Variants in TMEM163 observed in about 807,000 individuals in gnomAD.
TMEM163 encodes transmembrane protein 163.
TMEM163 carries 17 observed loss-of-function variants against 29.3 expected under a neutral mutation model. The ratio of observed to expected loss-of-function variants is 0.58; its 90% CI spans 0.40 to 0.87. The LOEUF (loss-of-function observed/expected upper bound fraction) is 0.87. Ranked by LOEUF, TMEM163 falls within the 40% of genes least tolerant of loss-of-function variation. TMEM163 has a pLI of 0.00. For synonymous variants in TMEM163, 157 were observed against 160.6 expected (o/e 0.98, Z 0.17); for missense variants, 303 against 381.5 (o/e 0.79, Z 1.71).
intron 2 of TMEM163, among the ~76,000 whole-genome samples, chr2:134,652,530 C>T (rs1260799960): frequency 5.4e-5 from 6 of 110,314 alleles, no homozygotes; most frequent in Non-Finnish European, 1.0e-4. Flanking sequence ...AATTGAATAC[C>T]CTTTATTTCC....
chr2:134,544,619 C>G (rs907773945), intron 4 of TMEM163, among the ~76,000 whole-genome samples: 1 of 152,074 alleles, frequency 6.6e-6, no homozygotes, highest in Non-Finnish European at 1.5e-5. Context: ...CATGGTGAAA[C>G]CCCGTCTCTA....
At chr2:134,521,249 G>A (rs758927193) in intron 4 of TMEM163, among the ~76,000 whole-genome samples, 13 of 151,978 alleles carry the variant, frequency 8.6e-5, no homozygotes, top group Admixed American at 5.9e-4. Flanking sequence ...CACCTGCCTC[G>A]GCCTCCCAAA....
At chr2:134,701,656 T>G (rs1340528413) in intron 2 of TMEM163, among the ~76,000 whole-genome samples, 3 of 152,196 alleles carry the variant, frequency 2.0e-5, no homozygotes, top group Non-Finnish European at 4.4e-5. Context: ...ATGCCTGTAA[T>G]CCCTGCACTT....
At chr2:134,714,822 C>A (rs1312231036) in intron 1 of TMEM163, among the ~76,000 whole-genome samples, 1 of 152,160 alleles carries the variant, frequency 6.6e-6, no homozygotes, top group East Asian at 1.9e-4. Context: ...AAATTCTGCC[C>A]AGGTACAAGT....
At chr2:134,661,483 C>T (rs1231555666) in intron 2 of TMEM163, among the ~76,000 whole-genome samples, 2 of 152,156 alleles carry the variant, frequency 1.3e-5, no homozygotes, top group African/African-American at 4.8e-5. Context: ...AATGGCTTCC[C>T]GCCACAGCCC....
chr2:134,626,325 G>A (rs1369975750), intron 2 of TMEM163, among the ~76,000 whole-genome samples: 2 of 151,880 alleles, frequency 1.3e-5, no homozygotes, highest in South Asian at 2.1e-4. Context: ...GGCTGGTCTC[G>A]AACTCCTGAC....
intron 2 of TMEM163, among the ~76,000 whole-genome samples, chr2:134,613,966 T>C (rs1169313635): frequency 6.6e-6 from 1 of 152,150 alleles, no homozygotes; most frequent in Non-Finnish European, 1.5e-5. Context: ...TTTTTGTAGA[T>C]ATAGACAGGT....
At chr2:134,552,135 C>T (rs1680943407) in intron 2 of TMEM163, 44 bp from the exon 3 acceptor site, 2 of 1,523,812 alleles carry the variant, frequency 1.3e-6, no homozygotes, top group Non-Finnish European at 1.8e-6. Context: ...TAAAACCTCT[C>T]TCATTTTTGA....
At chr2:134,502,875 T>C (rs1227708778) in intron 5 of TMEM163, 26 bp downstream of exon 5, 1 of 1,607,542 alleles carries the variant, frequency 6.2e-7, no homozygotes, top group Non-Finnish European at 8.5e-7. Flanking sequence ...GCAGGAAGGA[T>C]TGTTAAGGAA....
chr2:134,490,796 C>T (rs141711079), intron 5 of TMEM163, among the ~76,000 whole-genome samples: 1 of 152,190 alleles, frequency 6.6e-6, no homozygotes, highest in African/African-American at 2.4e-5. Flanking sequence ...CGCTAGAGCT[C>T]ACAGACGCCG....
chr2:134,488,275 G>A (rs1423697840), intron 5 of TMEM163, among the ~76,000 whole-genome samples: 1 of 152,164 alleles, frequency 6.6e-6, no homozygotes, highest in Non-Finnish European at 1.5e-5. Flanking sequence ...CCCTGCCTCA[G>A]CCTCCCAAAG....
intron 2 of TMEM163, among the ~76,000 whole-genome samples, chr2:134,596,482 T>C (rs1682086026): frequency 1.3e-5 from 2 of 152,232 alleles, no homozygotes; most frequent in African/African-American, 4.8e-5. Flanking sequence ...ATCTCTGTTT[T>C]GGTACCAGTA....
rs1301518969 is a variant in TMEM163 at position 134,460,593 on chromosome 2, C to A, written c.668-2420G>T. On this transcript the variant is annotated intron_variant, in intron 6 of 7. Coordinates refer to ENST00000281924, the MANE Select transcript of TMEM163 (RefSeq NM_030923.5). The surrounding 1 kb of genome is among the most constrained non-coding windows in gnomAD (Gnocchi z 4.3). Reference sequence around the variant, plus strand: ...GGAAGTAGGCAGGCAGGCATGGGCCCAGCCTGAGCGCCACCCCTGCCTGGC... The same window carrying A: ...GGAAGTAGGCAGGCAGGCATGGGCCAAGCCTGAGCGCCACCCCTGCCTGGC... Among the ~76,000 whole-genome samples, 2 of 152,152 alleles carry A rather than the reference C, an allele frequency of 1.3e-5. No individual in the cohort carries two copies. The highest frequency in any genetic ancestry group is 3.9e-4 in the East Asian group (2 of 5,140).
chr2:134,565,856 T>C (rs1159662942), intron 2 of TMEM163, among the ~76,000 whole-genome samples: 2 of 152,252 alleles, frequency 1.3e-5, no homozygotes, highest in Non-Finnish European at 2.9e-5. Flanking sequence ...GGATAATCTA[T>C]GTATGATTTG....
At chr2:134,544,211 C>T (rs1680733299) in intron 4 of TMEM163, among the ~76,000 whole-genome samples, 1 of 152,184 alleles carries the variant, frequency 6.6e-6, no homozygotes, top group South Asian at 2.1e-4. Flanking sequence ...TGGGGCCTTA[C>T]ACAGTACACA....
intron 6 of TMEM163, among the ~76,000 whole-genome samples, chr2:134,464,640 T>C (rs1383844738): frequency 1.3e-5 from 2 of 152,100 alleles, no homozygotes; most frequent in African/African-American, 4.8e-5. Flanking sequence ...CAAGAGACCG[T>C]GTTGCAGACT....
intron 2 of TMEM163, among the ~76,000 whole-genome samples, chr2:134,610,492 G>A (rs771138462): frequency 1.1e-4 from 16 of 152,170 alleles, no homozygotes; most frequent in African/African-American, 2.2e-4. Flanking sequence ...ATACAGTCCC[G>A]GTGGATTCCC....
At chr2:134,489,136 T>A (rs1405511351) in intron 5 of TMEM163, among the ~76,000 whole-genome samples, 1 of 152,148 alleles carries the variant, frequency 6.6e-6, no homozygotes, top group Non-Finnish European at 1.5e-5. Flanking sequence ...TATGACAATG[T>A]TCATTCTAAC....
chr2:134,613,437 G>C, intron 2 of TMEM163, among the ~76,000 whole-genome samples: 2 of 152,186 alleles, frequency 1.3e-5, no homozygotes, highest in Middle Eastern at 6.8e-3. Flanking sequence ...CAATAGAAAG[G>C]GTTCTGTAAC....
Sources: gnomAD v4.1 joint callset for allele counts (sites outside exome capture counted in the v4.1 genomes callset) on GRCh38, gnomAD v4.1.1 for gene constraint, Gnocchi (gnomAD v3.1) non-coding constraint, MANE v1.5 for transcripts, NCBI Gene and HGNC (gene_info 2026-07-23, HGNC 2026-07-21) for gene names.